The following SDK1 variants were observed in gnomAD, a reference collection of about 807,000 sequenced individuals.
SDK1 encodes sidekick cell adhesion molecule 1.
Under a neutral mutation model 245.5 loss-of-function variants are expected in SDK1, and 157 were observed. The observed-to-expected ratio is 0.64, with a 90% CI of 0.56 to 0.73. SDK1 has a LOEUF of 0.73. SDK1 is among the 30% of genes least tolerant of loss of function. SDK1 has a pLI of 0.00. For missense variants in SDK1, 3,583 were observed against 3,002.3 expected, an observed-to-expected ratio of 1.19 and a Z score of -4.52; for synonymous variants, 1,647 against 1,278.5, an observed-to-expected ratio of 1.29 and a Z score of -6.15.
intron 1 of SDK1, among the ~76,000 whole-genome samples, chr7:3,379,984 A>G (rs1007695536): frequency 3.3e-5 from 5 of 152,208 alleles, no homozygotes; most frequent in African/African-American, 1.2e-4. Flanking sequence ...AACCTTTCAG[A>G]TAAGGGATTT....
chr7:4,066,552 G>A (rs1207399704), intron 19 of SDK1, among the ~76,000 whole-genome samples: 1 of 152,192 alleles, frequency 6.6e-6, no homozygotes, highest in African/African-American at 2.4e-5. Context: ...GCACATGGCA[G>A]GGCTTGGGAG....
chr7:3,978,373 T>C (rs1783134470), intron 13 of SDK1, among the ~76,000 whole-genome samples: 1 of 152,216 alleles, frequency 6.6e-6, no homozygotes, highest in South Asian at 2.1e-4. Flanking sequence ...AAATACATTT[T>C]TCAGCAAATG....
At chr7:4,175,695 C>T in intron 33 of SDK1, 80 bp from the exon 34 acceptor site, 1 of 1,200,310 alleles carries the variant, frequency 8.3e-7, no homozygotes, top group Non-Finnish European at 1.2e-6. Flanking sequence ...GCACCTGTCT[C>T]CCTTGTTCCT....
At position 3,719,493 on chromosome 7, in the gene SDK1, G is replaced by A. The variant is rs549799649; in HGVS notation, c.713+77388G>A. Reference sequence around the variant, plus strand: ...AGAGAACCCAGAAACAGACCCACACGAATATGCCCAACTAATTTTTGACAA... The same window carrying A: ...AGAGAACCCAGAAACAGACCCACACAAATATGCCCAACTAATTTTTGACAA... On this transcript the variant is annotated intron_variant, in intron 4 of 44. Coordinates refer to ENST00000404826, the MANE Select transcript of SDK1 (RefSeq NM_152744.4). 2.6e-5 allele frequency among the ~76,000 whole-genome samples: 4 copies of A among 152,188 alleles called. No homozygotes were observed. In the South Asian group the frequency reaches 8.3e-4, roughly 32 times the overall value.
At chr7:3,954,867 G>A (rs1388481333) in intron 7 of SDK1, among the ~76,000 whole-genome samples, 2 of 151,818 alleles carry the variant, frequency 1.3e-5, no homozygotes, top group Non-Finnish European at 2.9e-5. Context: ...ATGTCCCATT[G>A]CACTCGCTAT....
intron 5 of SDK1, among the ~76,000 whole-genome samples, chr7:3,859,485 G>A (rs1389592757): frequency 6.6e-6 from 1 of 152,076 alleles, no homozygotes; most frequent in Non-Finnish European, 1.5e-5. Flanking sequence ...TGCCCACTGT[G>A]GCTCATGATG....
intron 4 of SDK1, among the ~76,000 whole-genome samples, chr7:3,805,992 GTGTTCC>G (rs1347702475): frequency 1.3e-5 from 2 of 151,788 alleles, no homozygotes; most frequent in African/African-American, 4.9e-5. Context: ...AATTTTCAAG[GTGTTCC>G]TCCTCCTATA....
At chr7:4,137,439 C>T (rs1779165644) in intron 28 of SDK1, among the ~76,000 whole-genome samples, 1 of 152,186 alleles carries the variant, frequency 6.6e-6, no homozygotes, top group Non-Finnish European at 1.5e-5. Context: ...TTAGTGCCAC[C>T]TTCTTGTGTC....
In SDK1 at chr7:3,683,839, C is replaced by G. The variant is rs564042400; in HGVS notation, c.713+41734C>G. Among the ~76,000 whole-genome samples, 4 of 152,332 alleles carry G rather than the reference C, an allele frequency of 2.6e-5. No homozygotes were observed. In the South Asian group the frequency reaches 8.3e-4, roughly 32 times the overall value. ...CTGGAACTAGCAATGGACACAGACA[C>G]AAAATGCTCCAAGAACAGTCCTGTT... On this transcript the variant is annotated intron_variant, in intron 4 of 44. Coordinates refer to ENST00000404826, the MANE Select transcript of SDK1 (RefSeq NM_152744.4).
intron 1 of SDK1, among the ~76,000 whole-genome samples, chr7:3,473,158 G>C (rs1261773472): frequency 3.9e-5 from 6 of 152,162 alleles, no homozygotes; most frequent in Non-Finnish European, 7.3e-5. Context: ...TCTGATTGAA[G>C]ATGAGAAAAC....
chr7:3,585,403 G>A (rs1285368664), intron 1 of SDK1, among the ~76,000 whole-genome samples: 1 of 152,200 alleles, frequency 6.6e-6, no homozygotes, highest in Non-Finnish European at 1.5e-5. Context: ...GATAATTGAT[G>A]AAAGAATGAG....
chr7:3,906,049 A>G (rs1190594333), intron 5 of SDK1, among the ~76,000 whole-genome samples: 1 of 151,812 alleles, frequency 6.6e-6, no homozygotes, highest in Non-Finnish European at 1.5e-5. Flanking sequence ...TTCTCTTCCC[A>G]TTCATCGTTT....
chr7:3,587,976 C>T (rs1780745447), intron 1 of SDK1, among the ~76,000 whole-genome samples: 1 of 152,240 alleles, frequency 6.6e-6, no homozygotes, highest in African/African-American at 2.4e-5. Flanking sequence ...TATGCCAATA[C>T]AGGCTTGCTC....
chr7:3,536,209 A>G (rs1418169289), intron 1 of SDK1, among the ~76,000 whole-genome samples: 1 of 149,532 alleles, frequency 6.7e-6, no homozygotes. Flanking sequence ...GGCGCCCGCC[A>G]CCACACCCAG....
At chr7:3,391,951 G>C (rs556529294) in intron 1 of SDK1, among the ~76,000 whole-genome samples, 17 of 122,926 alleles carry the variant, frequency 1.4e-4, no homozygotes, top group Admixed American at 2.6e-4. Flanking sequence ...ATTTTTAAAA[G>C]TATGTATATC....
intron 4 of SDK1, among the ~76,000 whole-genome samples, chr7:3,767,423 G>A (rs538858452): frequency 8.3e-4 from 127 of 152,292 alleles, no homozygotes; most frequent in African/African-American, 2.9e-3. Context: ...GGATGAGACA[G>A]TTTACAGTGT....
chr7:3,338,511 C>T, intron 1 of SDK1: 1 of 450,430 alleles, frequency 2.2e-6, no homozygotes, highest in Non-Finnish European at 4.3e-6. Context: ...AGCTGAAGAG[C>T]CAGCCTGTTC....
intron 1 of SDK1, among the ~76,000 whole-genome samples, chr7:3,309,409 G>C (rs951101265): frequency 6.7e-6 from 1 of 148,942 alleles, no homozygotes; most frequent in African/African-American, 2.5e-5. Flanking sequence ...CCACTTTTTA[G>C]TATGCTTAGG....
At chr7:3,461,733 T>A (rs1291682536) in intron 1 of SDK1, among the ~76,000 whole-genome samples, 1 of 152,150 alleles carries the variant, frequency 6.6e-6, no homozygotes, top group Non-Finnish European at 1.5e-5. Flanking sequence ...AGCCATTAGA[T>A]GGAAAAAACC....
Sources: gnomAD v4.1 joint callset for allele counts (sites outside exome capture counted in the v4.1 genomes callset) on GRCh38, gnomAD v4.1.1 for gene constraint, MANE v1.5 for transcripts, NCBI Gene and HGNC (gene_info 2026-07-23, HGNC 2026-07-21) for gene names.